PLCH1: variants seen among roughly 807,000 people sequenced by gnomAD.
PLCH1 encodes phospholipase C eta 1, also known as 1-phosphatidylinositol 4,5-bisphosphate phosphodiesterase eta-1.
In PLCH1, 60 loss-of-function variants were observed where a neutral mutation model predicts 126.7. The ratio of observed to expected loss-of-function variants is 0.47; its 90% confidence interval spans 0.38 to 0.59. The LOEUF (loss-of-function observed/expected upper bound fraction) is 0.59. Among genes scored for constraint, PLCH1 ranks in the 20% least tolerant of loss-of-function variants. The pLI is 0.00. For synonymous variants in PLCH1, 719 were observed against 734.9 expected (o/e 0.98, Z 0.35); for missense variants, 1,723 against 2,040.0 (o/e 0.84, Z 2.99).
chr3:155,470,260 C>T (rs1256282525), intron 21 of PLCH1, among the ~76,000 whole-genome samples: 5 of 151,924 alleles, frequency 3.3e-5, no homozygotes, highest in Admixed American at 6.6e-5. Context: ...AACCAAGGCT[C>T]GAGAACTACG....
chr3:155,500,902 T>G, intron 13 of PLCH1, 108 bp from the exon 14 acceptor site: 1 of 722,714 alleles, frequency 1.4e-6, no homozygotes, highest in South Asian at 1.7e-5. Context: ...AAACATAACT[T>G]GGAGGGAGAA....
intron 22 of PLCH1, among the ~76,000 whole-genome samples, chr3:155,484,541 T>C (rs1372495857): frequency 2.0e-5 from 3 of 152,182 alleles, no homozygotes; most frequent in Non-Finnish European, 4.4e-5. Context: ...AGTACCACAT[T>C]TTACTTGTCT....
intron 2 of PLCH1, among the ~76,000 whole-genome samples, chr3:155,698,858 G>C (rs1027561542): frequency 6.6e-6 from 1 of 152,082 alleles, no homozygotes; most frequent in Non-Finnish European, 1.5e-5. Flanking sequence ...ATCAATGGGA[G>C]GTAGAGAGCC....
chr3:155,737,536 TC>T (rs1192118003), intron 1 of PLCH1, among the ~76,000 whole-genome samples: 2 of 151,860 alleles, frequency 1.3e-5, no homozygotes, highest in East Asian at 3.9e-4. Flanking sequence ...AAAAGGTGGT[TC>T]CCCCTCAAAT....
rs1386818586 is a variant in PLCH1, at chr3:155,509,175, G to T, written c.1633-4549C>A. Among the ~76,000 whole-genome samples the T allele has an allele frequency of 5.7e-5, 8 of 139,386 alleles. No homozygotes were observed. The South Asian group carries it at 1.8e-3, about 31-fold the overall frequency. The allele number at this position is 139,386 out of a possible 152,430, so 91.4% of individuals were successfully genotyped here. A position where few individuals can be genotyped will look rare whatever the true frequency, so the allele number is the denominator to read the frequency against. ...TTGTAGTATTCTCTTATGGTAGTTTGCATTTCTGTGCGATCAGTGGTGATA... is the reference window on the plus strand; with the variant it reads ...TTGTAGTATTCTCTTATGGTAGTTTTCATTTCTGTGCGATCAGTGGTGATA... On this transcript the variant is annotated intron_variant, in intron 12 of 22. Coordinates refer to ENST00000460012, the MANE Select transcript of PLCH1 (RefSeq NM_014996.4).
chr3:155,634,458 G>A (rs1738480332), intron 2 of PLCH1, among the ~76,000 whole-genome samples: 1 of 152,132 alleles, frequency 6.6e-6, no homozygotes, highest in Non-Finnish European at 1.5e-5. Flanking sequence ...GTGGTGAGTG[G>A]GACTGAAACC....
intron 1 of PLCH1, among the ~76,000 whole-genome samples, chr3:155,731,038 C>A (rs1376516314): frequency 6.6e-6 from 1 of 152,252 alleles, no homozygotes; most frequent in Non-Finnish European, 1.5e-5. Flanking sequence ...GCCCTAGGCT[C>A]CAGACCTGCC....
intron 2 of PLCH1, among the ~76,000 whole-genome samples, chr3:155,607,382 TAAAA>T (rs1169749410): frequency 6.6e-6 from 1 of 152,060 alleles, no homozygotes; most frequent in African/African-American, 2.4e-5. Context: ...GTCAAAAAAA[TAAAA>T]AAACATGAAT....
chr3:155,590,818 A>G (rs1166628684), intron 4 of PLCH1, among the ~76,000 whole-genome samples: 1 of 152,184 alleles, frequency 6.6e-6, no homozygotes, highest in African/African-American at 2.4e-5. Flanking sequence ...TATGAAAATG[A>G]TTCCCTGACT....
At position 155,473,206 on chromosome 3, in the gene PLCH1, C is replaced by A. The variant is rs1287512979; in HGVS notation, c.2938+12150G>T. Among the ~76,000 whole-genome samples the A allele has an allele frequency of 8.5e-4, 127 of 149,854 alleles. 1 individual carries two copies. Among genetic ancestry groups the A allele is most frequent in the South Asian group, 1.5e-3 (7 of 4,670 alleles). ...CATTGTCTCAGCCCAAAATCTCCTT[C>A]AGCTGATAAGCAACTTCAGCAAAGT... On this transcript the variant is annotated intron_variant, in intron 21 of 21. Coordinates refer to the PLCH1 transcript ENST00000494598.
intron 2 of PLCH1, among the ~76,000 whole-genome samples, chr3:155,634,901 G>A (rs1738537388): frequency 6.6e-6 from 1 of 152,148 alleles, no homozygotes. Context: ...CAGTTGAAAT[G>A]TTCCATATGG....
intron 2 of PLCH1, among the ~76,000 whole-genome samples, chr3:155,617,931 A>C (rs1427019217): frequency 6.6e-6 from 1 of 152,218 alleles, no homozygotes; most frequent in Non-Finnish European, 1.5e-5. Context: ...CATCCAATTC[A>C]TACAGGTATT....
At chr3:155,609,702 C>T (rs896681169) in intron 2 of PLCH1, among the ~76,000 whole-genome samples, 3 of 151,698 alleles carry the variant, frequency 2.0e-5, no homozygotes. Context: ...AAAGTAAAAA[C>T]AAACACAACT....
chr3:155,731,127 C>A (rs1748740564), intron 1 of PLCH1, among the ~76,000 whole-genome samples: 1 of 152,180 alleles, frequency 6.6e-6, no homozygotes, highest in African/African-American at 2.4e-5. Context: ...CCAAGTGGCA[C>A]CAGGATACAG....
intron 2 of PLCH1, among the ~76,000 whole-genome samples, chr3:155,626,982 A>C (rs1737385688): frequency 6.6e-6 from 1 of 152,130 alleles, no homozygotes; most frequent in African/African-American, 2.4e-5. Flanking sequence ...AAAGGAAATG[A>C]AAAGACAATT....
chr3:155,470,688 T>A (rs1031191547), intron 21 of PLCH1, among the ~76,000 whole-genome samples: 1 of 152,120 alleles, frequency 6.6e-6, no homozygotes, highest in African/African-American at 2.4e-5. Context: ...AAGGTCGGGT[T>A]ACCCTCAAAG....
At chr3:155,632,850 G>T (rs1738210167) in intron 2 of PLCH1, among the ~76,000 whole-genome samples, 1 of 152,084 alleles carries the variant, frequency 6.6e-6, no homozygotes. Context: ...TTAATAAAAA[G>T]CTCATTTCCA....
At chr3:155,523,211 C>A (rs1051811459) in intron 11 of PLCH1, among the ~76,000 whole-genome samples, 1 of 152,166 alleles carries the variant, frequency 6.6e-6, no homozygotes, top group East Asian at 1.9e-4. Flanking sequence ...CTCCTGACCT[C>A]GTGATCTGCC....
At chr3:155,497,945 C>T (rs910004902) in intron 14 of PLCH1, among the ~76,000 whole-genome samples, 3 of 152,122 alleles carry the variant, frequency 2.0e-5, no homozygotes, top group Non-Finnish European at 2.9e-5. Context: ...AAACTCCTGA[C>T]CTCAAGTGAT....
Sources: allele counts gnomAD v4.1 joint callset (sites outside exome capture counted in the v4.1 genomes callset), GRCh38; gene constraint gnomAD v4.1.1; transcripts MANE v1.5; gene names NCBI Gene and HGNC (gene_info 2026-07-23, HGNC 2026-07-21).